MFN1: variants seen among roughly 807,000 people sequenced by gnomAD.
MFN1 encodes mitofusin 1.
MFN1 carries 65 observed loss-of-function variants against 92.4 expected under a neutral mutation model. That is an observed-to-expected ratio of 0.70 (90% confidence interval 0.58 to 0.86). The LOEUF (loss-of-function observed/expected upper bound fraction) is 0.86. MFN1 is among the 40% of genes least tolerant of loss of function. The probability of loss-of-function intolerance (pLI) is 0.00; values close to 1 mark genes in which losing one functional copy is unlikely to be tolerated. For synonymous variants in MFN1, 297 were observed against 300.9 expected (o/e 0.99, Z 0.13); for missense variants, 781 against 868.0 (o/e 0.90, Z 1.26).
At chr3:179,368,421 T>C (rs1490888862) in intron 9 of MFN1, among the ~76,000 whole-genome samples, 1 of 152,200 alleles carries the variant, frequency 6.6e-6, no homozygotes, top group African/African-American at 2.4e-5. Flanking sequence ...GGAACAAGAG[T>C]AAACAAGCGT....
rs531295742 is a variant in MFN1 at position 179,363,243 on chromosome 3, C to T, written c.536+761C>T. ...CTCAGCCTCCTGAGTAGCCACCACG[C>T]CTGGCTAATCTTTGTATTTTTTGGT... On this transcript the variant is annotated intron_variant, in intron 5 of 17. Coordinates refer to ENST00000471841, the MANE Select transcript of MFN1 (RefSeq NM_033540.3). 3.9e-5 allele frequency among the ~76,000 whole-genome samples: 6 copies of T among 152,252 alleles called. No homozygotes were observed. The South Asian group carries it at 1.2e-3, about 32-fold the overall frequency.
chr3:179,385,697 G>A lies in MFN1; in HGVS notation c.1791G>A (p.Met597Ile). 3 of 1,612,972 alleles carry A rather than the reference G, an allele frequency of 1.9e-6. No homozygotes were observed. Among genetic ancestry groups the A allele is most frequent in the Non-Finnish European group, 2.5e-6 (3 of 1,179,724 alleles). Residue 597 changes from methionine (M) to isoleucine (I), a missense_variant, in exon 15 of 18, where the codon ATG becomes ATA. Met to Ile is a conservative substitution (Grantham distance 10). Coordinates refer to ENST00000471841, the MANE Select transcript of MFN1 (RefSeq NM_033540.3). ...CGTCCGTTACATCTAGAACTTCTATGGGCATCATTATTGTTGGAGGAGTGG... is the reference window on the plus strand; with the variant it reads ...CGTCCGTTACATCTAGAACTTCTATAGGCATCATTATTGTTGGAGGAGTGG... ...GLASVTSRTS[M>I]GIIIVGGVIW... is the part of the protein sequence containing the mutation.
intron 7 of MFN1, 49 bp downstream of exon 7, chr3:179,365,274 A>C (rs201914991): frequency 4.8e-6 from 5 of 1,043,424 alleles, no homozygotes; most frequent in South Asian, 3.2e-5. Context: ...AGTCACATAC[A>C]TTGTTATTTG....
chr3:179,353,091 G>A (rs1186216069), intron 3 of MFN1, among the ~76,000 whole-genome samples: 2 of 118,206 alleles, frequency 1.7e-5, no homozygotes, highest in African/African-American at 3.4e-5. Context: ...GTCTCAGTCC[G>A]TTGCCAGGTT....
rs1560203488 is a variant in MFN1, at chr3:179,392,013, A to G, written c.2180A>G (p.Glu727Gly). The change falls in exon 18 of 18, where the codon GAG becomes GGG. Residue 727 changes from glutamate (E) to glycine (G), a missense_variant. Transcript: ENST00000471841. ...GCTGTTCAACTTGAAAATGAGCTGGAGAATTTTACTAAGCAGTTTCTACCT... is the reference window on the plus strand; with the variant it reads ...GCTGTTCAACTTGAAAATGAGCTGGGGAATTTTACTAAGCAGTTTCTACCT... ...NKAVQLENEL[E>G]NFTKQFLPSS... 6.2e-7 allele frequency: 1 copy of G among 1,610,834 alleles called. No individual in the cohort carries two copies. Among genetic ancestry groups the G allele is most frequent in the Non-Finnish European group, 8.5e-7 (1 of 1,177,520 alleles).
intron 14 of MFN1, among the ~76,000 whole-genome samples, chr3:179,385,134 C>T (rs752970279): frequency 2.0e-5 from 3 of 150,958 alleles, no homozygotes; most frequent in African/African-American, 7.3e-5. Context: ...AGGATGGTCT[C>T]GATCTCCTGA....
At chr3:179,378,216 C>T (rs890500736) in intron 12 of MFN1, 125 bp from the exon 13 acceptor site, 1 of 667,718 alleles carries the variant, frequency 1.5e-6, no homozygotes, top group African/African-American at 3.0e-5. Flanking sequence ...AAGACCCTGT[C>T]TCAAAAAAAA....
Position 179,377,442 on chromosome 3 carries a change from TA to T in MFN1, c.1327del (p.Ser443ValfsTer3). 6.5e-7 allele frequency: 1 copy of T among 1,545,570 alleles called. No individual in the cohort carries two copies. The highest frequency in any genetic ancestry group is 8.9e-7 in the Non-Finnish European group (1 of 1,124,868). On this transcript the variant is annotated frameshift_variant, in exon 12 of 18. Transcript: ENST00000471841. LOFTEE classifies it high-confidence loss of function. ...HPNPDVLKIY[K>X]SELNKHIEDG... Reference sequence around the variant, plus strand: ...CTAATCCAGATGTATTAAAAATATATAAAAGTGTAAGTTAAAGTATAGATAA... The same window carrying T: ...CTAATCCAGATGTATTAAAAATATATAAAGTGTAAGTTAAAGTATAGATAA...
intron 9 of MFN1, among the ~76,000 whole-genome samples, chr3:179,371,795 T>A (rs540802870): frequency 1.3e-5 from 2 of 151,998 alleles, no homozygotes; most frequent in African/African-American, 4.8e-5. Flanking sequence ...ATGAACTGTT[T>A]GTTAGATAAT....
intron 9 of MFN1, among the ~76,000 whole-genome samples, chr3:179,375,018 C>T (rs1713183837): frequency 6.6e-6 from 1 of 152,044 alleles, no homozygotes; most frequent in Non-Finnish European, 1.5e-5. Context: ...AAGATGGTAA[C>T]TTGCTGCTAA....
intron 4 of MFN1, among the ~76,000 whole-genome samples, 200 bp from the exon 5 acceptor site, chr3:179,362,158 G>C (rs902067642): frequency 6.6e-6 from 1 of 152,190 alleles, no homozygotes; most frequent in Admixed American, 6.5e-5. Context: ...TTCTGTTGCT[G>C]GAGTTCTTTT....
Position 179,377,371 on chromosome 3 carries a change from T to C in MFN1, c.1252T>C (p.Cys418Arg). ...TTCATGTGCAATGACAGATGAAATT[T>C]GTCGACTGTCTGTTTTGGTTGATGA... ...KVSCAMTDEI[C>R]RLSVLVDEFC... The change falls in exon 12 of 18, where the codon TGT (cysteine) becomes CGT (arginine). Residue 418 changes from cysteine to arginine, a missense_variant. Cys to Arg is a radical substitution (Grantham distance 180, BLOSUM62 -3). Coordinates refer to ENST00000471841, the MANE Select transcript of MFN1 (RefSeq NM_033540.3). 6.2e-7 allele frequency: 1 copy of C among 1,609,442 alleles called. No homozygotes were observed. Among genetic ancestry groups the C allele is most frequent in the South Asian group, 1.1e-5 (1 of 89,822 alleles).
intron 14 of MFN1, 25 bp from the exon 15 acceptor site, chr3:179,385,544 T>A: frequency 6.6e-7 from 1 of 1,512,870 alleles, no homozygotes. Flanking sequence ...TGTAATCTTT[T>A]TTCCTTTCTC....
intron 3 of MFN1, among the ~76,000 whole-genome samples, chr3:179,357,782 A>G (rs901974671): frequency 1.3e-5 from 2 of 152,188 alleles, no homozygotes; most frequent in African/African-American, 4.8e-5. Context: ...ATGTTCACTG[A>G]TTCTGTGAGT....
chr3:179,370,751 T>C (rs913022831), intron 9 of MFN1, among the ~76,000 whole-genome samples: 1 of 152,188 alleles, frequency 6.6e-6, no homozygotes, highest in African/African-American at 2.4e-5. Flanking sequence ...GATGCATTGG[T>C]TTTTGCTTAT....
intron 7 of MFN1, among the ~76,000 whole-genome samples, chr3:179,366,579 AATT>A (rs1159977892): frequency 6.6e-6 from 1 of 152,146 alleles, no homozygotes; most frequent in Non-Finnish European, 1.5e-5. Context: ...CACATGATAA[AATT>A]ATTTGCTTTC....
rs2108564013 is a variant in MFN1, at chr3:179,392,008, G to A, written c.2175G>A (p.Glu725=). The A allele has an allele frequency of 6.2e-7, 1 of 1,609,424 alleles. No homozygotes were observed. Among genetic ancestry groups the A allele is most frequent in the Non-Finnish European group, 8.5e-7 (1 of 1,176,464 alleles). The change falls in exon 18 of 18, where the codon GAG becomes GAA. Residue 725 remains glutamate, a synonymous_variant. Coordinates refer to ENST00000471841, the MANE Select transcript of MFN1 (RefSeq NM_033540.3). The part of the protein sequence containing the change: ...LRNKAVQLEN[E]LENFTKQFLP... ...ATAAAGCTGTTCAACTTGAAAATGA[G>A]CTGGAGAATTTTACTAAGCAGTTTC...
At chr3:179,372,599 G>A (rs1357305029) in intron 9 of MFN1, among the ~76,000 whole-genome samples, 1 of 152,098 alleles carries the variant, frequency 6.6e-6, no homozygotes, top group Non-Finnish European at 1.5e-5. Context: ...GAACACCAAT[G>A]TGGGATTACT....
chr3:179,375,480 A>G (rs543140716), intron 10 of MFN1, 139 bp downstream of exon 10: 82 of 1,021,040 alleles, frequency 8.0e-5, no homozygotes, highest in African/African-American at 8.0e-4. Flanking sequence ...GCCTACTTCT[A>G]TATTTTTAAG....
Sources: allele counts gnomAD v4.1 joint callset (sites outside exome capture counted in the v4.1 genomes callset), GRCh38; gene constraint gnomAD v4.1.1; transcripts MANE v1.5; gene names NCBI Gene and HGNC (gene_info 2026-07-23, HGNC 2026-07-21).